The following TNKS variants were observed in gnomAD, a reference collection of about 807,000 sequenced individuals.
The protein encoded by TNKS is tankyrase, also known as poly [ADP-ribose] polymerase tankyrase-1.
In TNKS, 72 loss-of-function variants were observed where a neutral mutation model predicts 135.8. The ratio of observed to expected loss-of-function variants is 0.53; its 90% CI spans 0.44 to 0.64. The LOEUF is 0.64. Among genes scored for constraint, TNKS ranks in the 30% least tolerant of loss-of-function variants. The pLI is 0.00. For synonymous variants in TNKS, 849 were observed against 649.3 expected (o/e 1.31, Z -4.68); for missense variants, 1,769 against 1,674.0 (o/e 1.06, Z -0.99).
At chr8:9,774,513 G>T (rs142278857) in intron 26 of TNKS, among the ~76,000 whole-genome samples, 1 of 152,306 alleles carries the variant, frequency 6.6e-6, no homozygotes, top group African/African-American at 2.4e-5. Flanking sequence ...TCCTACGCTG[G>T]TATAACCAGC....
At chr8:9,617,429 A>C (rs2128766226) in intron 3 of TNKS, among the ~76,000 whole-genome samples, 1 of 152,338 alleles carries the variant, frequency 6.6e-6, no homozygotes, top group South Asian at 2.1e-4. Context: ...TGTTCTTTTC[A>C]AGAATATCTA....
intron 3 of TNKS, among the ~76,000 whole-genome samples, chr8:9,622,447 T>A (rs891837519): frequency 6.6e-6 from 1 of 152,218 alleles, no homozygotes; most frequent in Non-Finnish European, 1.5e-5. Context: ...GTGAAGTAGA[T>A]ATTGTTATTG....
At chr8:9,675,815 C>G (rs1487595439) in intron 3 of TNKS, among the ~76,000 whole-genome samples, 1 of 152,022 alleles carries the variant, frequency 6.6e-6, no homozygotes, top group Non-Finnish European at 1.5e-5. Context: ...CTTAGTGAAA[C>G]CTAAGACAAT....
rs1276832726 is a variant in TNKS at position 9,776,892 on chromosome 8, T to C, written c.*156T>C. ...AGCATTGCTATAGTGATGAATAGTA[T>C]GAGTAACTGATACATACTCAACTGC... On this transcript the variant is annotated 3_prime_UTR_variant, in exon 27 of 27. Coordinates refer to ENST00000310430, the MANE Select transcript of TNKS (RefSeq NM_003747.3). 8 of 662,532 alleles carry C rather than the reference T, an allele frequency of 1.2e-5. No individual in the cohort carries two copies. In the East Asian group the frequency reaches 2.2e-4, roughly 18 times the overall value. The allele number at this position is 662,532 out of a possible 1,614,324, so 41.0% of individuals were successfully genotyped here. A position where few individuals can be genotyped will look rare whatever the true frequency, so the allele number is the denominator to read the frequency against.
intron 1 of TNKS, among the ~76,000 whole-genome samples, chr8:9,574,061 A>T (rs1056404179): frequency 6.6e-6 from 1 of 152,202 alleles, no homozygotes; most frequent in African/African-American, 2.4e-5. Context: ...TATTAGAATA[A>T]GGAAAATTGT....
rs746221011 is a variant in TNKS at position 9,556,322 on chromosome 8, C to T, written c.383C>T (p.Ser128Leu). 5.0e-6 allele frequency: 8 copies of T among 1,614,262 alleles called. No homozygotes were observed. The East Asian group carries it at 1.3e-4, about 27-fold the overall frequency. Residue 128 changes from serine to leucine, a missense_variant, in exon 1 of 27, where the codon TCA becomes TTA. By Grantham distance (145) the Ser-to-Leu change is moderately radical. Coordinates refer to ENST00000310430, the MANE Select transcript of TNKS (RefSeq NM_003747.3). The part of the protein sequence containing the change: ...PNPAGSGSNN[S>L]PSSSSSPTSS... ...CCAGCCGGCAGTGGCAGTAACAATT[C>T]ACCGTCGTCCTCTTCTTCCCCGACT...
intron 2 of TNKS, among the ~76,000 whole-genome samples, chr8:9,584,916 GATTGTCACTGTGGA>G (rs1174421189): frequency 6.6e-6 from 1 of 152,108 alleles, no homozygotes; most frequent in Non-Finnish European, 1.5e-5. Context: ...ACGCATGTGG[GATTGTCACTGTGGA>G]ATACCCCAAC....
intron 14 of TNKS, among the ~76,000 whole-genome samples, chr8:9,732,726 C>T (rs530899004): frequency 6.6e-6 from 1 of 152,174 alleles, no homozygotes; most frequent in Non-Finnish European, 1.5e-5. Flanking sequence ...TTAGACTCCT[C>T]TCAGAATAGT....
chr8:9,774,562 G>T (rs1050666490), intron 26 of TNKS, among the ~76,000 whole-genome samples: 1 of 152,154 alleles, frequency 6.6e-6, no homozygotes, highest in Non-Finnish European at 1.5e-5. Context: ...GACGGTTTTT[G>T]GTCCATCTTA....
At chr8:9,758,405 C>G (rs1478634277) in intron 20 of TNKS, among the ~76,000 whole-genome samples, 1 of 151,942 alleles carries the variant, frequency 6.6e-6, no homozygotes, top group African/African-American at 2.4e-5. Flanking sequence ...TCTTTTGTTT[C>G]TTTAGTTACT....
intron 5 of TNKS, among the ~76,000 whole-genome samples, chr8:9,683,536 G>C (rs1326254029): frequency 6.6e-6 from 1 of 151,700 alleles, no homozygotes; most frequent in Non-Finnish European, 1.5e-5. Context: ...CCTTTTCTTA[G>C]TTTTTACTAC....
At chr8:9,608,616 A>G (rs138841911) in intron 2 of TNKS, among the ~76,000 whole-genome samples, 5 of 152,156 alleles carry the variant, frequency 3.3e-5, no homozygotes, top group African/African-American at 1.2e-4. Context: ...CAGCCATGTG[A>G]TCCCTGGGGA....
chr8:9,780,322 A>C lies in TNKS; in HGVS notation c.*3586A>C, dbSNP rs1179914182. The C allele has an allele frequency of 6.6e-6, 1 of 152,108 alleles. No individual in the cohort carries two copies. 9.4% of individuals were successfully genotyped at this position (152,108 alleles called of 1,614,324 possible). A position where few individuals can be genotyped will look rare whatever the true frequency, so the allele number is the denominator to read the frequency against. On this transcript the variant is annotated 3_prime_UTR_variant, in exon 27 of 27. Coordinates refer to ENST00000310430, the MANE Select transcript of TNKS (RefSeq NM_003747.3). The stretch of plus-strand genomic sequence containing the variant: ...ATCCCTCTTGTGTGATATCTGTGAC[A>C]AATAGCCTTCTTCTTGTGTTTTCTG...
At chr8:9,659,230 T>C (rs1183507974) in intron 3 of TNKS, among the ~76,000 whole-genome samples, 1 of 152,132 alleles carries the variant, frequency 6.6e-6, no homozygotes, top group Non-Finnish European at 1.5e-5. Context: ...CTGCACCAAG[T>C]GGACCTAATA....
At chr8:9,628,410 G>A (rs966380574) in intron 3 of TNKS, among the ~76,000 whole-genome samples, 3 of 151,602 alleles carry the variant, frequency 2.0e-5, no homozygotes, top group African/African-American at 7.3e-5. Context: ...TTGCATATCC[G>A]TTGGCCACTT....
intron 3 of TNKS, among the ~76,000 whole-genome samples, chr8:9,617,745 C>T (rs1799697405): frequency 6.6e-6 from 1 of 152,152 alleles, no homozygotes; most frequent in Admixed American, 6.5e-5. Flanking sequence ...TATTAGAGAT[C>T]ATTCTGAGTA....
chr8:9,725,658 C>T (rs762197912), intron 12 of TNKS, among the ~76,000 whole-genome samples: 1 of 152,110 alleles, frequency 6.6e-6, no homozygotes, highest in African/African-American at 2.4e-5. Context: ...ATGAGTTGTC[C>T]AAAGTTGTAG....
chr8:9,556,706 G>T (rs1044101690), intron 1 of TNKS, 94 bp downstream of exon 1: 41 of 1,447,698 alleles, frequency 2.8e-5, no homozygotes, highest in Non-Finnish European at 3.8e-5. Context: ...GGGACAAAGT[G>T]GGGGCGTGGT....
At chr8:9,568,161 G>A (rs1170380124) in intron 1 of TNKS, among the ~76,000 whole-genome samples, 3 of 152,168 alleles carry the variant, frequency 2.0e-5, no homozygotes, top group African/African-American at 4.8e-5. Flanking sequence ...CATTAATGAA[G>A]TGTTTATGGA....
Sources: gnomAD v4.1 joint callset for allele counts (sites outside exome capture counted in the v4.1 genomes callset) on GRCh38, gnomAD v4.1.1 for gene constraint, MANE v1.5 for transcripts, NCBI Gene and HGNC (gene_info 2026-07-23, HGNC 2026-07-21) for gene names.